Variants in NUP155 observed in about 807,000 individuals in gnomAD.
NUP155 encodes nucleoporin 155.
A neutral mutation model predicts 180.4 loss-of-function variants in NUP155; 71 were observed. That is an observed-to-expected ratio of 0.39 (90% CI 0.33 to 0.48). NUP155 has a LOEUF of 0.48. Among genes scored for constraint, NUP155 ranks in the 20% least tolerant of loss-of-function variants. The pLI is 0.91. For missense variants in NUP155, 1,553 were observed against 1,648.9 expected, an observed-to-expected ratio of 0.94 and a Z score of 1.01; for synonymous variants, 582 against 559.5, an observed-to-expected ratio of 1.04 and a Z score of -0.57.
chr5:37,342,821 C>T (rs923200269), intron 9 of NUP155, among the ~76,000 whole-genome samples, 175 bp from the exon 10 acceptor site: 21 of 152,134 alleles, frequency 1.4e-4, no homozygotes, highest in African/African-American at 4.6e-4. Flanking sequence ...ACTGCAATCT[C>T]CGCCTCCCAG....
At chr5:37,308,932 A>AGCT (rs1400021222) in intron 24 of NUP155, among the ~76,000 whole-genome samples, 197 bp downstream of exon 24, 35 of 151,654 alleles carry the variant, frequency 2.3e-4, no homozygotes, top group Non-Finnish European at 1.5e-5. Flanking sequence ...AGAACATTAC[A>AGCT]GCTTCTGCAG....
At chr5:37,347,907 C>T (rs186025813) in intron 9 of NUP155, among the ~76,000 whole-genome samples, 1,797 of 151,936 alleles carry the variant, frequency 0.012, 48 homozygotes, top group African/African-American at 0.041. Flanking sequence ...GAGGTTGAGG[C>T]GGGCGGATCA....
intron 22 of NUP155, among the ~76,000 whole-genome samples, chr5:37,313,019 A>G (rs997927488): frequency 6.6e-6 from 1 of 152,200 alleles, no homozygotes; most frequent in African/African-American, 2.4e-5. Flanking sequence ...TCCTCTATAT[A>G]TTCTATCTAA....
chr5:37,301,214 T>C, intron 30 of NUP155: 1 of 478,666 alleles, frequency 2.1e-6, no homozygotes, highest in South Asian at 2.1e-5. Context: ...GCGAGGATGA[T>C]AGGTTCTTTG....
chr5:37,366,796 C>T (rs978441731), intron 1 of NUP155, among the ~76,000 whole-genome samples: 3 of 151,946 alleles, frequency 2.0e-5, no homozygotes, highest in Admixed American at 6.6e-5. Flanking sequence ...GGACTACAGG[C>T]GCCTGTTGCC....
At chr5:37,337,290 G>T (rs1745392723) in intron 12 of NUP155, among the ~76,000 whole-genome samples, 1 of 152,028 alleles carries the variant, frequency 6.6e-6, no homozygotes, top group Non-Finnish European at 1.5e-5. Context: ...AAAGAAAAAT[G>T]AAATACAATA....
chr5:37,332,472 C>A (rs1335918580), intron 13 of NUP155, among the ~76,000 whole-genome samples: 2 of 151,838 alleles, frequency 1.3e-5, no homozygotes, highest in African/African-American at 4.8e-5. Context: ...CAGGCGCCCA[C>A]CACCATGCCC....
rs766143722 is a variant in NUP155 at position 37,301,531 on chromosome 5, T to A, written c.3467A>T (p.Gln1156Leu). The A allele has an allele frequency of 6.2e-6, 10 of 1,611,694 alleles. No homozygotes were observed. In the Admixed American group the frequency reaches 1.7e-4, roughly 27 times the overall value. The change falls in exon 30 of 35, where the codon CAG becomes CTG. Residue 1156 changes from glutamine (Q) to leucine (L), a missense_variant. Coordinates refer to ENST00000231498, the MANE Select transcript of NUP155 (RefSeq NM_153485.3). Reference sequence around the variant, plus strand: ...CTGCCTTTGTAGTGTCTCCTGTATCTGAAGTTGGATCCTAGCAACCTAGTT... The same window carrying A: ...CTGCCTTTGTAGTGTCTCCTGTATCAGAAGTTGGATCCTAGCAACCTAGTT... The part of the protein sequence containing the change: ...EKMEVARIQL[Q>L]IQETLQRQYS...
intron 11 of NUP155, 59 bp downstream of exon 11, chr5:37,341,031 A>G: frequency 3.7e-6 from 5 of 1,359,638 alleles, no homozygotes; most frequent in African/African-American, 1.5e-5. Flanking sequence ...TCACAACACC[A>G]TATAATTTTA....
chr5:37,310,784 C>G, intron 22 of NUP155, 41 bp from the exon 23 acceptor site: 9 of 1,373,318 alleles, frequency 6.6e-6, no homozygotes, highest in Non-Finnish European at 8.3e-6. Flanking sequence ...ATAGAAATAC[C>G]ATATTTCTAA....
At position 37,290,748 on chromosome 5, in the gene NUP155, G is replaced by A. The variant is rs759027954; in HGVS notation, c.*1152C>T. Reference sequence around the variant, plus strand: ...AGGTAGCAGTATCCTTTACTGCAGTGGCTTTCAAATTTGACATGCACCAAA... The same window carrying A: ...AGGTAGCAGTATCCTTTACTGCAGTAGCTTTCAAATTTGACATGCACCAAA... On this transcript the variant is annotated 3_prime_UTR_variant, in exon 35 of 35. Coordinates refer to ENST00000231498, the MANE Select transcript of NUP155 (RefSeq NM_153485.3). 1 of 152,146 alleles carries A rather than the reference G, an allele frequency of 6.6e-6. No homozygotes were observed. Among genetic ancestry groups the A allele is most frequent in the Non-Finnish European group, 1.5e-5 (1 of 68,028 alleles). 9.4% of individuals were successfully genotyped at this position (152,146 alleles called of 1,614,324 possible).
In NUP155 at chr5:37,325,942, C is replaced by T. The variant is rs529523920; in HGVS notation, c.2050G>A (p.Val684Met). The T allele has an allele frequency of 5.0e-6, 8 of 1,610,632 alleles. No individual in the cohort carries two copies. Among genetic ancestry groups the T allele is most frequent in the Non-Finnish European group, 6.8e-6 (8 of 1,178,092 alleles). The change falls in exon 19 of 35, where the codon GTG becomes ATG. Residue 684 changes from valine to methionine, a missense_variant. Transcript: ENST00000231498. ...MGNIWDASLV[V>M]ERIFKSGNRE... ...TTGCCACTCTTGAATATTCTCTCCA[C>T]AACTAAGCTTGCATCCCAAATGTTT...
At chr5:37,354,617 C>A (rs1473300978) in intron 4 of NUP155, among the ~76,000 whole-genome samples, 2 of 151,322 alleles carry the variant, frequency 1.3e-5, no homozygotes, top group Non-Finnish European at 2.9e-5. Flanking sequence ...CACCACCATG[C>A]CTGGCTTATG....
chr5:37,357,960 T>C (rs1746953061), intron 4 of NUP155, 121 bp downstream of exon 4: 1 of 718,374 alleles, frequency 1.4e-6, no homozygotes, highest in South Asian at 1.4e-5. Context: ...GCCACTGCAC[T>C]CCAGCCTACT....
At position 37,298,902 on chromosome 5, in the gene NUP155, T is replaced by A. The variant is rs151163391; in HGVS notation, c.3759A>T (p.Lys1253Asn). Residue 1253 changes from lysine (K) to asparagine (N), a missense_variant, in exon 32 of 35, where the codon AAA becomes AAT. Lys to Asn is a moderately conservative substitution (Grantham distance 94). Coordinates refer to ENST00000231498, the MANE Select transcript of NUP155 (RefSeq NM_153485.3). ...AGAAGCGTGGTGTGCCAGCATAAATTTTGCCAAGGAGAACAATCTTGAGAC... is the reference window on the plus strand; with the variant it reads ...AGAAGCGTGGTGTGCCAGCATAAATATTGCCAAGGAGAACAATCTTGAGAC... The part of the protein sequence containing the change: ...ALSLKIVLLG[K>N]IYAGTPRFFP... The A allele has an allele frequency of 6.2e-7, 1 of 1,612,192 alleles. No homozygotes were observed. Among genetic ancestry groups the A allele is most frequent in the African/African-American group, 1.3e-5 (1 of 74,842 alleles).
Position 37,333,443 on chromosome 5 carries a change from A to T in NUP155, c.1518+20T>A, listed in dbSNP as rs773993239. 1 of 1,609,294 alleles carries T rather than the reference A, an allele frequency of 6.2e-7. No individual in the cohort carries two copies. The highest frequency in any genetic ancestry group is 1.3e-5 in the African/African-American group (1 of 74,808). On this transcript the variant is annotated intron_variant, in intron 13 of 34. Coordinates refer to ENST00000231498, the MANE Select transcript of NUP155 (RefSeq NM_153485.3). The stretch of plus-strand genomic sequence containing the variant: ...TACATCGCTTATTTTTGTCACTACC[A>T]TAACAGAATACGTACACACCTGTGC...
At position 37,350,285 on chromosome 5, in the gene NUP155, AGAC is replaced by A. The variant is rs1746371099; in HGVS notation, c.724-23_724-21del. ...TTCAGCCTTAAAGAAAAAAGTAGAA[AGAC>A]GACTTATAAAAGTATGTAACTCCCT... On this transcript the variant is annotated intron_variant, in intron 6 of 34. Coordinates refer to ENST00000231498, the MANE Select transcript of NUP155 (RefSeq NM_153485.3). 6.5e-7 allele frequency: 1 copy of A among 1,538,334 alleles called. No homozygotes were observed. The highest frequency in any genetic ancestry group is 1.4e-5 in the African/African-American group (1 of 73,620).
intron 23 of NUP155, among the ~76,000 whole-genome samples, chr5:37,310,109 C>T (rs1487000819): frequency 1.3e-5 from 2 of 152,082 alleles, no homozygotes; most frequent in Non-Finnish European, 2.9e-5. Context: ...GAGGCTGAGG[C>T]AGGAGGATCA....
At chr5:37,304,064 A>G (rs1311355404) in intron 27 of NUP155, among the ~76,000 whole-genome samples, 2 of 151,978 alleles carry the variant, frequency 1.3e-5, no homozygotes, top group African/African-American at 4.8e-5. Context: ...CCTGGCCAAC[A>G]TGGTAAAACC....
Sources: allele counts gnomAD v4.1 joint callset (sites outside exome capture counted in the v4.1 genomes callset), GRCh38; gene constraint gnomAD v4.1.1; transcripts MANE v1.5; gene names NCBI Gene and HGNC (gene_info 2026-07-23, HGNC 2026-07-21).